Variants in TNIK observed in about 807,000 individuals in gnomAD.
The protein encoded by TNIK is TRAF2 and NCK interacting kinase.
In TNIK, 49 loss-of-function variants were observed where a neutral mutation model predicts 191.3. The ratio of observed to expected loss-of-function variants is 0.26; its 90% CI spans 0.20 to 0.32. The LOEUF (loss-of-function observed/expected upper bound fraction) is 0.32. Among genes scored for constraint, TNIK ranks in the 10% least tolerant of loss-of-function variants. TNIK has a pLI of 1.00. For missense variants in TNIK, 1,155 were observed against 1,702.3 expected, an observed-to-expected ratio of 0.68 and a Z score of 5.66; for synonymous variants, 594 against 600.9, an observed-to-expected ratio of 0.99 and a Z score of 0.17.
intron 28 of TNIK, among the ~76,000 whole-genome samples, chr3:171,072,834 C>G (rs930553721): frequency 1.3e-5 from 2 of 151,770 alleles, no homozygotes; most frequent in African/African-American, 4.8e-5. Context: ...ACACACCCCA[C>G]ACACACCCCT....
At chr3:171,388,877 T>A (rs1577732909) in intron 1 of TNIK, among the ~76,000 whole-genome samples, 1 of 152,212 alleles carries the variant, frequency 6.6e-6, no homozygotes, top group African/African-American at 2.4e-5. Context: ...TGCAAGCTAC[T>A]TGAAGTACAT....
chr3:171,405,378 T>G (rs1721530239), intron 1 of TNIK, among the ~76,000 whole-genome samples: 1 of 152,140 alleles, frequency 6.6e-6, no homozygotes, highest in Non-Finnish European at 1.5e-5. Flanking sequence ...AACAAGCAAG[T>G]AACTGTCCCT....
chr3:171,215,707 T>A, intron 3 of TNIK, among the ~76,000 whole-genome samples: 1 of 151,496 alleles, frequency 6.6e-6, no homozygotes, highest in Non-Finnish European at 1.5e-5. Context: ...TATTTGCTTA[T>A]GATTGATTTC....
rs1008989313 is a variant in TNIK, at chr3:171,063,711, A to G, written c.*170T>C. On this transcript the variant is annotated 3_prime_UTR_variant, in exon 33 of 33. Coordinates refer to ENST00000436636, the MANE Select transcript of TNIK (RefSeq NM_015028.4). The stretch of plus-strand genomic sequence containing the variant: ...TTTCTCTCCTTCTCAACCAGGCTGC[A>G]ACATTGAAAGATGGACTGTACTGGG... The G allele has an allele frequency of 1.1e-5, 6 of 560,042 alleles. No homozygotes were observed. The highest frequency in any genetic ancestry group is 1.8e-5 in the Non-Finnish European group (6 of 329,666). The allele number at this position is 560,042 out of a possible 1,614,324, so 34.7% of individuals were successfully genotyped here.
At chr3:171,349,026 GAA>G (rs35412267) in intron 2 of TNIK, among the ~76,000 whole-genome samples, 19 of 146,972 alleles carry the variant, frequency 1.3e-4, no homozygotes, top group African/African-American at 3.8e-4. Context: ...GATGAACTTG[GAA>G]AAAAAAAAAG....
At chr3:171,266,973 TATA>T (rs1215816131) in intron 2 of TNIK, among the ~76,000 whole-genome samples, 1 of 152,240 alleles carries the variant, frequency 6.6e-6, no homozygotes, top group African/African-American at 2.4e-5. Context: ...ATGCCTCTCT[TATA>T]ATGAGAAGCC....
At chr3:171,250,130 G>C (rs1421718192) in intron 2 of TNIK, among the ~76,000 whole-genome samples, 2 of 152,146 alleles carry the variant, frequency 1.3e-5, no homozygotes, top group East Asian at 3.9e-4. Flanking sequence ...TAGCTTGATG[G>C]CACATGTTCA....
chr3:171,127,066 T>C (rs533455357), intron 16 of TNIK, among the ~76,000 whole-genome samples: 1 of 152,364 alleles, frequency 6.6e-6, no homozygotes, highest in South Asian at 2.1e-4. Context: ...CTCATCGTCA[T>C]ATCCCCTAGG....
intron 2 of TNIK, among the ~76,000 whole-genome samples, chr3:171,257,691 C>CT (rs1442486825): frequency 2.0e-5 from 3 of 152,228 alleles, no homozygotes; most frequent in Admixed American, 2.0e-4. Flanking sequence ...GCCAAAAGCA[C>CT]TGTCCGCCAA....
chr3:171,231,942 T>G (rs927086262), intron 2 of TNIK, among the ~76,000 whole-genome samples: 1 of 152,174 alleles, frequency 6.6e-6, no homozygotes, highest in Non-Finnish European at 1.5e-5. Context: ...TCGCCAAACT[T>G]TTAAAATAAT....
chr3:171,108,816 T>G (rs1004565339), intron 19 of TNIK, among the ~76,000 whole-genome samples: 1 of 152,146 alleles, frequency 6.6e-6, no homozygotes, highest in South Asian at 2.1e-4. Context: ...GGGGTTGTTA[T>G]AGGAGAAGGG....
intron 21 of TNIK, 120 bp from the exon 22 acceptor site, chr3:171,101,753 A>G (rs1723606113): frequency 4.3e-6 from 4 of 922,966 alleles, no homozygotes; most frequent in Non-Finnish European, 6.4e-6. Context: ...TAGAACTGTG[A>G]CAAACATAGT....
intron 3 of TNIK, among the ~76,000 whole-genome samples, chr3:171,216,592 C>T (rs776068265): frequency 1.2e-4 from 18 of 152,244 alleles, no homozygotes; most frequent in African/African-American, 2.2e-4. Flanking sequence ...AACAGGCTGG[C>T]GTTTTCCAGT....
chr3:171,406,708 C>T (rs1721736390), intron 1 of TNIK, among the ~76,000 whole-genome samples: 1 of 152,234 alleles, frequency 6.6e-6, no homozygotes, highest in Non-Finnish European at 1.5e-5. Flanking sequence ...GCTGGGATTA[C>T]AGGCGTGAGC....
chr3:171,334,663 G>C (rs1403550546), intron 2 of TNIK, among the ~76,000 whole-genome samples: 2 of 152,106 alleles, frequency 1.3e-5, no homozygotes, highest in African/African-American at 4.8e-5. Context: ...AAAAAGACTA[G>C]AGGGGGAGAA....
At chr3:171,071,463 G>T in intron 28 of TNIK, 140 bp from the exon 29 acceptor site, 1 of 702,982 alleles carries the variant, frequency 1.4e-6, no homozygotes, top group Non-Finnish European at 2.3e-6. Context: ...GATATTCCTG[G>T]TGTGGGATTT....
intron 2 of TNIK, among the ~76,000 whole-genome samples, chr3:171,268,578 C>T (rs995665846): frequency 1.1e-4 from 17 of 151,954 alleles, no homozygotes; most frequent in African/African-American, 4.1e-4. Context: ...TAACTGATGT[C>T]CAGCTCTGGT....
At chr3:171,335,219 T>C (rs1163679465) in intron 2 of TNIK, among the ~76,000 whole-genome samples, 4 of 152,192 alleles carry the variant, frequency 2.6e-5, no homozygotes, top group African/African-American at 4.8e-5. Flanking sequence ...AAGAAAATTT[T>C]GTTGAAAGGC....
chr3:171,139,374 G>T, intron 14 of TNIK, 96 bp downstream of exon 14: 1 of 567,404 alleles, frequency 1.8e-6, no homozygotes. Flanking sequence ...ACACACGCAC[G>T]CGCGCACACA....
Sources: gnomAD v4.1 joint callset for allele counts (sites outside exome capture counted in the v4.1 genomes callset) on GRCh38, gnomAD v4.1.1 for gene constraint, MANE v1.5 for transcripts, NCBI Gene and HGNC (gene_info 2026-07-23, HGNC 2026-07-21) for gene names.